ERBB4: variants seen among roughly 807,000 people sequenced by gnomAD.
The protein encoded by ERBB4 is receptor tyrosine-protein kinase erbB-4.
In ERBB4, 42 loss-of-function variants were observed where a neutral mutation model predicts 158.0. The ratio of observed to expected loss-of-function variants is 0.27; its 90% CI spans 0.21 to 0.34. ERBB4 has a LOEUF of 0.34. ERBB4 is among the 10% of genes least tolerant of loss of function. The probability of loss-of-function intolerance (pLI) is 1.00; values close to 1 mark genes in which losing one functional copy is unlikely to be tolerated. For missense variants in ERBB4, 1,333 were observed against 1,624.1 expected, an observed-to-expected ratio of 0.82 and a Z score of 3.08; for synonymous variants, 583 against 558.7, an observed-to-expected ratio of 1.04 and a Z score of -0.61.
intron 1 of ERBB4, among the ~76,000 whole-genome samples, chr2:212,150,026 C>T (rs1219189116): frequency 1.3e-5 from 2 of 152,132 alleles, no homozygotes; most frequent in Non-Finnish European, 2.9e-5. Context: ...ATAAAATACC[C>T]ATTTTTCCAG....
At chr2:211,939,241 A>G (rs2080416745) in intron 3 of ERBB4, among the ~76,000 whole-genome samples, 1 of 152,116 alleles carries the variant, frequency 6.6e-6, no homozygotes, top group South Asian at 2.1e-4. Flanking sequence ...AATTTTTGGG[A>G]GTGACATATG....
At chr2:212,220,944 G>A (rs2083271468) in intron 1 of ERBB4, among the ~76,000 whole-genome samples, 1 of 151,456 alleles carries the variant, frequency 6.6e-6, no homozygotes, top group Admixed American at 6.6e-5. Flanking sequence ...AAAAGGATGT[G>A]AAAACCTAGC....
At chr2:212,138,270 C>T (rs1033764276) in intron 1 of ERBB4, among the ~76,000 whole-genome samples, 2 of 152,132 alleles carry the variant, frequency 1.3e-5, no homozygotes, top group African/African-American at 4.8e-5. Context: ...AAAAGTTAGA[C>T]ATCACTTGTG....
chr2:212,198,327 T>C (rs567641249), intron 1 of ERBB4, among the ~76,000 whole-genome samples: 2 of 152,310 alleles, frequency 1.3e-5, no homozygotes, highest in Admixed American at 6.5e-5. Context: ...ATTTTTTATC[T>C]TCCCAAACTG....
intron 1 of ERBB4, among the ~76,000 whole-genome samples, chr2:212,416,246 C>G (rs1270244760): frequency 6.6e-6 from 1 of 152,134 alleles, no homozygotes; most frequent in East Asian, 1.9e-4. Context: ...AATGAACAAG[C>G]TGTTGAAAAC....
At chr2:212,157,186 C>A (rs1004555798) in intron 1 of ERBB4, among the ~76,000 whole-genome samples, 1 of 152,002 alleles carries the variant, frequency 6.6e-6, no homozygotes, top group African/African-American at 2.4e-5. Flanking sequence ...CATATACTGA[C>A]GTTTTCCCCA....
At chr2:211,929,882 A>G (rs758757963) in intron 3 of ERBB4, among the ~76,000 whole-genome samples, 4 of 152,192 alleles carry the variant, frequency 2.6e-5, no homozygotes, top group Non-Finnish European at 4.4e-5. Flanking sequence ...AGAGAAAAAC[A>G]ACATGTGTAT....
intron 2 of ERBB4, among the ~76,000 whole-genome samples, chr2:211,965,176 T>C (rs987322): frequency 0.065 from 9,969 of 152,248 alleles, 673 homozygotes; most frequent in East Asian, 0.28. Flanking sequence ...AAGGACAGCA[T>C]GTGAAAGAGC....
chr2:211,737,004 G>A (rs554039564), intron 5 of ERBB4, among the ~76,000 whole-genome samples: 1 of 151,874 alleles, frequency 6.6e-6, no homozygotes. Context: ...CGATAAAGAG[G>A]GTATTACTTA....
At chr2:211,579,800 G>A (rs1247573344) in intron 19 of ERBB4, among the ~76,000 whole-genome samples, 3 of 151,978 alleles carry the variant, frequency 2.0e-5, no homozygotes, top group Admixed American at 6.6e-5. Flanking sequence ...GCCTGTCAGG[G>A]GGTGGGGTTG....
chr2:211,664,283 T>C (rs961318328), intron 15 of ERBB4, among the ~76,000 whole-genome samples: 1 of 152,056 alleles, frequency 6.6e-6, no homozygotes, highest in Admixed American at 6.6e-5. Flanking sequence ...AATCTCACAC[T>C]TTCCTGCCAG....
At chr2:212,526,448 G>T (rs1009733676) in intron 1 of ERBB4, among the ~76,000 whole-genome samples, 4 of 151,906 alleles carry the variant, frequency 2.6e-5, no homozygotes, top group Non-Finnish European at 4.4e-5. Flanking sequence ...AAAGAAAAGG[G>T]CCACTAAAGA....
intron 2 of ERBB4, among the ~76,000 whole-genome samples, chr2:211,974,321 T>C (rs707284): frequency 0.57 from 86,799 of 151,722 alleles, 26,110 homozygotes; most frequent in Non-Finnish European, 0.68. Flanking sequence ...TTTAGAGTAA[T>C]GGTAAAAACT....
At chr2:211,555,752 C>A (rs2067220418) in intron 20 of ERBB4, among the ~76,000 whole-genome samples, 1 of 152,202 alleles carries the variant, frequency 6.6e-6, no homozygotes, top group African/African-American at 2.4e-5. Flanking sequence ...GAAATAAGAT[C>A]TTTTTCAGAC....
At chr2:211,879,161 A>G (rs969873789) in intron 3 of ERBB4, among the ~76,000 whole-genome samples, 5 of 152,194 alleles carry the variant, frequency 3.3e-5, no homozygotes, top group African/African-American at 1.2e-4. Context: ...AATCCTAGAC[A>G]AAAATGACTA....
rs1327454356 is a variant in ERBB4, at chr2:211,985,372, A to AT, written c.235-37757dup. Among the ~76,000 whole-genome samples, 3 of 152,232 alleles carry AT rather than the reference A, an allele frequency of 2.0e-5. No individual in the cohort carries two copies. The South Asian group carries it at 6.2e-4, about 32-fold the overall frequency. Reference sequence around the variant, plus strand: ...TCTTAATTTACTATCGAATCATTAGATTTTTCGGTATTTGTAATACTTCTG... The same window carrying AT: ...TCTTAATTTACTATCGAATCATTAGATTTTTTCGGTATTTGTAATACTTCTG... On this transcript the variant is annotated intron_variant, in intron 2 of 27. Transcript: ENST00000342788.
At chr2:212,286,589 G>A (rs1165689107) in intron 1 of ERBB4, among the ~76,000 whole-genome samples, 1 of 84,828 alleles carries the variant, frequency 1.2e-5, no homozygotes, top group African/African-American at 3.9e-5. Flanking sequence ...TTACATAAGT[G>A]CTGACTTTTT....
intron 1 of ERBB4, among the ~76,000 whole-genome samples, chr2:212,338,546 T>C (rs966721904): frequency 3.3e-5 from 5 of 152,174 alleles, no homozygotes; most frequent in Non-Finnish European, 7.3e-5. Flanking sequence ...CATCTTTCTC[T>C]TAATGTCATC....
intron 20 of ERBB4, among the ~76,000 whole-genome samples, chr2:211,552,624 A>C (rs1201390363): frequency 1.3e-5 from 2 of 152,122 alleles, no homozygotes; most frequent in African/African-American, 4.8e-5. Context: ...CACCGGAAAA[A>C]AAAATCTGAC....
Sources: gnomAD v4.1 joint callset for allele counts (sites outside exome capture counted in the v4.1 genomes callset) on GRCh38, gnomAD v4.1.1 for gene constraint, MANE v1.5 for transcripts, NCBI Gene and HGNC (gene_info 2026-07-23, HGNC 2026-07-21) for gene names.